Variants in SH3D19 observed in about 807,000 individuals in gnomAD.
SH3D19 encodes the protein SH3 domain containing 19.
Under a neutral mutation model 112.1 loss-of-function variants are expected in SH3D19, and 58 were observed. The ratio of observed to expected loss-of-function variants is 0.52; its 90% CI spans 0.42 to 0.64. The LOEUF (loss-of-function observed/expected upper bound fraction) is 0.64, where lower values mean the gene tolerates loss of function less well. Ranked by LOEUF, SH3D19 falls within the 30% of genes least tolerant of loss-of-function variation. The pLI is 0.00. For synonymous variants in SH3D19, 391 were observed against 448.5 expected (o/e 0.87, Z 1.62); for missense variants, 1,090 against 1,263.4 (o/e 0.86, Z 2.08).
chr4:151,215,600 A>G (rs1766934500), intron 2 of SH3D19, among the ~76,000 whole-genome samples: 1 of 152,214 alleles, frequency 6.6e-6, no homozygotes, highest in African/African-American at 2.4e-5. Flanking sequence ...CCTGCCTTAA[A>G]TGTTGCTGCA....
chr4:151,283,028 C>T, intron 1 of SH3D19: 2 of 1,200,438 alleles, frequency 1.7e-6, no homozygotes, highest in Non-Finnish European at 2.4e-6. Context: ...TTTGGATTCC[C>T]ATTCAGAGAC....
chr4:151,192,093 C>T (rs543525861), intron 2 of SH3D19, among the ~76,000 whole-genome samples: 3 of 148,900 alleles, frequency 2.0e-5, no homozygotes, highest in East Asian at 2.0e-4. Flanking sequence ...ACAGGTGCCA[C>T]GACCAGCTAA....
intron 2 of SH3D19, among the ~76,000 whole-genome samples, chr4:151,210,141 A>T (rs1765727222): frequency 1.3e-5 from 2 of 152,176 alleles, no homozygotes; most frequent in Admixed American, 1.3e-4. Context: ...AAAGTCTTAA[A>T]ATATTTATAT....
intron 1 of SH3D19, chr4:151,279,759 C>T: frequency 5.0e-6 from 8 of 1,602,316 alleles, no homozygotes; most frequent in Non-Finnish European, 6.8e-6. Flanking sequence ...AACAGGACTC[C>T]TAGGTTTCCA....
Position 151,179,294 on chromosome 4 carries a change from T to C in SH3D19, c.236+61A>G, listed in dbSNP as rs1050855589. The C allele has an allele frequency of 4.6e-5, 44 of 960,248 alleles. No homozygotes were observed. The African/African-American group carries it at 7.1e-4, about 16-fold the overall frequency. The allele number at this position is 960,248 out of a possible 1,614,324, so 59.5% of individuals were successfully genotyped here. A position where few individuals can be genotyped will look rare whatever the true frequency, so the allele number is the denominator to read the frequency against. ...GTGAAACATTTAATTTGCTACCTGA[T>C]AACACACTTTTACTCAATTATTAGT... On this transcript the variant is annotated intron_variant, in intron 4 of 19. Transcript: ENST00000604030.
At chr4:151,193,501 A>C (rs1417423403) in intron 2 of SH3D19, among the ~76,000 whole-genome samples, 1 of 152,182 alleles carries the variant, frequency 6.6e-6, no homozygotes, top group African/African-American at 2.4e-5. Flanking sequence ...TTTCTTTAGA[A>C]CCTGTCTCTT....
In SH3D19 at chr4:151,128,257, G is replaced by A; in HGVS notation, c.2842C>T (p.Leu948=). The change falls in exon 18 of 20, where the codon CTG becomes TTG. Residue 948 remains leucine, a synonymous_variant. Transcript: ENST00000604030. ...CACCAGTCAGAATCCAGACGTTCCA[G>A]AATCTGGATCCGGTCTCCCCTCTTG... ...SFKRGDRIQI[L]ERLDSDWCRG... 6.2e-7 allele frequency: 1 copy of A among 1,614,104 alleles called. No homozygotes were observed. The highest frequency in any genetic ancestry group is 8.5e-7 in the Non-Finnish European group (1 of 1,179,966).
chr4:151,277,913 C>T (rs1215634096), intron 1 of SH3D19, among the ~76,000 whole-genome samples: 1 of 152,034 alleles, frequency 6.6e-6, no homozygotes, highest in African/African-American at 2.4e-5. Flanking sequence ...TGGTGGCGGG[C>T]ACCTGTAGTC....
intron 2 of SH3D19, among the ~76,000 whole-genome samples, chr4:151,190,304 G>T (rs2407425): frequency 0.83 from 126,637 of 152,178 alleles, 54,220 homozygotes; most frequent in Non-Finnish European, 0.95. Flanking sequence ...AATCCCATTT[G>T]CTGAGGAGAA....
intron 8 of SH3D19, among the ~76,000 whole-genome samples, chr4:151,162,733 C>T (rs1197450361): frequency 6.6e-6 from 1 of 151,656 alleles, no homozygotes. Flanking sequence ...TGCCACCATG[C>T]CCGGCTTATT....
intron 1 of SH3D19, among the ~76,000 whole-genome samples, chr4:151,282,805 C>A (rs952830512): frequency 6.6e-6 from 1 of 152,036 alleles, no homozygotes; most frequent in Non-Finnish European, 1.5e-5. Flanking sequence ...AAGCAAAAAA[C>A]ATGGGAAAGG....
chr4:151,282,281 T>A, intron 1 of SH3D19: 4 of 1,613,992 alleles, frequency 2.5e-6, no homozygotes, highest in Non-Finnish European at 3.4e-6. Flanking sequence ...AGACGTCGCC[T>A]TGTTGAAACT....
At chr4:151,265,519 G>A (rs1772709645) in intron 1 of SH3D19, among the ~76,000 whole-genome samples, 1 of 144,858 alleles carries the variant, frequency 6.9e-6, no homozygotes, top group Non-Finnish European at 1.5e-5. Flanking sequence ...GCATAAGTTT[G>A]CTTTTTAATA....
intron 2 of SH3D19, among the ~76,000 whole-genome samples, chr4:151,198,942 C>T (rs930161909): frequency 8.6e-5 from 13 of 151,452 alleles, no homozygotes; most frequent in Non-Finnish European, 8.8e-5. Context: ...TGGGTAGGCA[C>T]GAAACCTTTA....
At chr4:151,158,045 T>C (rs1443314548) in intron 9 of SH3D19, among the ~76,000 whole-genome samples, 1 of 152,136 alleles carries the variant, frequency 6.6e-6, no homozygotes, top group Non-Finnish European at 1.5e-5. Flanking sequence ...ATGACTATAG[T>C]TAACAATAAT....
At chr4:151,250,566 A>T (rs947517487) in intron 1 of SH3D19, among the ~76,000 whole-genome samples, 1 of 152,186 alleles carries the variant, frequency 6.6e-6, no homozygotes, top group African/African-American at 2.4e-5. Context: ...ATCAGGTGCT[A>T]GAAGTGGAGA....
chr4:151,258,908 G>A (rs1211385182), intron 1 of SH3D19, among the ~76,000 whole-genome samples: 1 of 151,938 alleles, frequency 6.6e-6, no homozygotes, highest in South Asian at 2.1e-4. Context: ...ATGCATTCAC[G>A]CTGCTCCTTC....
intron 11 of SH3D19, among the ~76,000 whole-genome samples, chr4:151,146,829 G>A (rs756435434): frequency 3.3e-5 from 5 of 152,112 alleles, no homozygotes; most frequent in Non-Finnish European, 7.3e-5. Context: ...CCACCACCCA[G>A]CAACTCTGTT....
chr4:151,254,167 G>A (rs997811471), intron 1 of SH3D19, among the ~76,000 whole-genome samples: 2 of 151,992 alleles, frequency 1.3e-5, no homozygotes, highest in African/African-American at 4.8e-5. Context: ...AACACTATCA[G>A]GCTTCTGTAA....
Sources: gnomAD v4.1 joint callset for allele counts (sites outside exome capture counted in the v4.1 genomes callset) on GRCh38, gnomAD v4.1.1 for gene constraint, MANE v1.5 for transcripts, NCBI Gene and HGNC (gene_info 2026-07-23, HGNC 2026-07-21) for gene names.